SPATC1: variants seen among roughly 807,000 people sequenced by gnomAD.
SPATC1 encodes the protein speriolin.
A neutral mutation model predicts 36.5 loss-of-function variants in SPATC1; 35 were observed. The ratio of observed to expected loss-of-function variants is 0.96; its 90% CI spans 0.73 to 1.27. SPATC1 has a LOEUF of 1.27. Ranked by LOEUF, SPATC1 falls within the 50% of genes most tolerant of loss-of-function variation. The pLI is 0.00. For missense variants in SPATC1, 779 were observed against 796.0 expected (o/e 0.98, Z 0.26); for synonymous variants, 361 against 353.6 (o/e 1.02, Z -0.24).
At chr8:144,038,759 A>G (rs1470277509) in intron 1 of SPATC1, among the ~76,000 whole-genome samples, 1 of 152,134 alleles carries the variant, frequency 6.6e-6, no homozygotes, top group African/African-American at 2.4e-5. Flanking sequence ...CTACTATTAC[A>G]TGACCCATGA....
Position 144,016,064 on chromosome 8 carries a change from CA to C in SPATC1, c.211+3352del, listed in dbSNP as rs574460237. ...GCTGGAGACTTTTGAGACTCTGTCT[CA>C]AAAAAAAAAAAAAGAAAAAAGAAAG... On this transcript the variant is annotated intron_variant, in intron 1 of 4. Transcript: ENST00000377470. This position sits in a 1 kb window ranked among gnomAD's most constrained non-coding sequence, Gnocchi z 4.5. Among the ~76,000 whole-genome samples, 5,328 of 78,300 alleles carry C rather than the reference CA, an allele frequency of 0.068. 314 individuals are homozygous for C. The highest frequency in any genetic ancestry group is 0.19 in the African/African-American group (4,804 of 24,780). 51.4% of individuals were successfully genotyped at this position (78,300 alleles called of 152,430 possible). A position where few individuals can be genotyped will look rare whatever the true frequency, so the allele number is the denominator to read the frequency against.
chr8:144,032,693 AC>A (rs1834822396), intron 1 of SPATC1, among the ~76,000 whole-genome samples: 1 of 152,062 alleles, frequency 6.6e-6, no homozygotes, highest in African/African-American at 2.4e-5. Flanking sequence ...TATGGGTCAT[AC>A]TTGTTTGTTT....
At chr8:144,037,491 T>C (rs1834933534) in intron 1 of SPATC1, among the ~76,000 whole-genome samples, 1 of 152,150 alleles carries the variant, frequency 6.6e-6, no homozygotes, top group Non-Finnish European at 1.5e-5. Context: ...CTTATCCTGT[T>C]GATCTGTGAC....
chr8:144,027,931 T>C (rs1479070414), intron 1 of SPATC1, among the ~76,000 whole-genome samples: 1 of 152,102 alleles, frequency 6.6e-6, no homozygotes, highest in East Asian at 1.9e-4. Flanking sequence ...AGGCAGAGTT[T>C]GCAGTGAGCC....
chr8:144,047,046 TGCCAGC>T lies in SPATC1; in HGVS notation c.*93_*98del. The T allele has an allele frequency of 6.9e-7, 1 of 1,452,400 alleles. No individual in the cohort carries two copies. The allele number at this position is 1,452,400 out of a possible 1,614,324, so 90.0% of individuals were successfully genotyped here. A position where few individuals can be genotyped will look rare whatever the true frequency, so the allele number is the denominator to read the frequency against. ...CCACAGACACTGGTCGCTGGGCCTG[TGCCAGC>T]GCTCCTGGGTGGTGCTGCCTCCTCT... On this transcript the variant is annotated 3_prime_UTR_variant, in exon 5 of 5. Coordinates refer to ENST00000377470, the MANE Select transcript of SPATC1 (RefSeq NM_198572.3). This position sits in a 1 kb window ranked among gnomAD's most constrained non-coding sequence, Gnocchi z 4.1.
At chr8:144,042,305 ATATATATTTTTT>A (rs1371484342) in intron 4 of SPATC1, among the ~76,000 whole-genome samples, 20 of 54,744 alleles carry the variant, frequency 3.7e-4, no homozygotes, top group African/African-American at 2.1e-3. Context: ...ATATATATAT[ATATATATTTTTT>A]TTTTTTTTTT....
At chr8:144,033,674 C>T (rs1834842596) in intron 1 of SPATC1, among the ~76,000 whole-genome samples, 1 of 152,292 alleles carries the variant, frequency 6.6e-6, no homozygotes, top group African/African-American at 2.4e-5. Context: ...CACATCCTTA[C>T]CCATGGGCAG....
chr8:144,042,482 GCTAA>G (rs1313708378), intron 4 of SPATC1, among the ~76,000 whole-genome samples: 1 of 151,076 alleles, frequency 6.6e-6, no homozygotes, highest in African/African-American at 2.4e-5. Flanking sequence ...ACCATGCCCG[GCTAA>G]CTTTTTGGTA....
At chr8:144,027,410 T>C (rs1052323171) in intron 1 of SPATC1, among the ~76,000 whole-genome samples, 1 of 152,248 alleles carries the variant, frequency 6.6e-6, no homozygotes, top group Non-Finnish European at 1.5e-5. Flanking sequence ...TTTCACTTTC[T>C]TAATAATGTC....
At chr8:144,012,946 C>A (rs1170176921) in intron 1 of SPATC1, among the ~76,000 whole-genome samples, 1 of 152,088 alleles carries the variant, frequency 6.6e-6, no homozygotes, top group Non-Finnish European at 1.5e-5. Flanking sequence ...GTGCTCAGAG[C>A]CCACCCACCC....
Position 144,045,587 on chromosome 8 carries a change from C to G in SPATC1, c.1447-1040C>G, listed in dbSNP as rs987253002. On this transcript the variant is annotated intron_variant, in intron 4 of 4. Transcript: ENST00000377470. The surrounding 1 kb of genome is among the most constrained non-coding windows in gnomAD (Gnocchi z 5.2). ...TGGGGGGACACTGGAGGGTGGCCCTCCCCCAAGTGTTGGAGCAGCGGAAAC... is the reference window on the plus strand; with the variant it reads ...TGGGGGGACACTGGAGGGTGGCCCTGCCCCAAGTGTTGGAGCAGCGGAAAC... Among the ~76,000 whole-genome samples the G allele has an allele frequency of 1.3e-5, 2 of 152,140 alleles. No homozygotes were observed. Among genetic ancestry groups the G allele is most frequent in the Admixed American group, 1.3e-4 (2 of 15,280 alleles).
chr8:144,026,438 C>G (rs1045773814), intron 1 of SPATC1, among the ~76,000 whole-genome samples: 27 of 152,154 alleles, frequency 1.8e-4, no homozygotes, highest in African/African-American at 6.5e-4. Context: ...TTTGTGCAGA[C>G]ATGTTTCCAT....
At chr8:144,033,161 C>T (rs1025678050) in intron 1 of SPATC1, among the ~76,000 whole-genome samples, 3 of 151,928 alleles carry the variant, frequency 2.0e-5, no homozygotes, top group East Asian at 1.9e-4. Context: ...TTTGAGAGAC[C>T]GTGGCAGGCG....
chr8:144,039,812 A>G (rs1835011310), intron 1 of SPATC1, 97 bp from the exon 2 acceptor site: 4 of 1,322,300 alleles, frequency 3.0e-6, no homozygotes, highest in Non-Finnish European at 1.1e-6. Context: ...GATGGGCACT[A>G]TGGCCAGGCC....
intron 1 of SPATC1, among the ~76,000 whole-genome samples, chr8:144,038,432 C>CAAA (rs371767912): frequency 1.7e-5 from 2 of 116,160 alleles, no homozygotes; most frequent in Non-Finnish European, 1.8e-5. Context: ...GACTCTGTCT[C>CAAA]AAAAAAAAAA....
At chr8:144,021,294 T>A (rs1270639413) in intron 1 of SPATC1, among the ~76,000 whole-genome samples, 5,465 of 18,896 alleles carry the variant, frequency 0.29, 324 homozygotes, top group East Asian at 0.4. Flanking sequence ...CCCTCTCCCC[T>A]CAGGACCCTC....
chr8:144,022,694 C>CAT (rs1834562193), intron 1 of SPATC1, among the ~76,000 whole-genome samples: 1 of 114,138 alleles, frequency 8.8e-6, no homozygotes, highest in Non-Finnish European at 1.9e-5. Context: ...CTCAGGACTG[C>CAT]CTTCCCTCAG....
chr8:144,016,069 AAAAAAAAAAGAAAAAAGAAAG>A lies in SPATC1; in HGVS notation c.211+3347_211+3367del, dbSNP rs1564266262. On this transcript the variant is annotated intron_variant, in intron 1 of 4. Coordinates refer to ENST00000377470, the MANE Select transcript of SPATC1 (RefSeq NM_198572.3). This position sits in a 1 kb window ranked among gnomAD's most constrained non-coding sequence, Gnocchi z 4.5. Reference sequence around the variant, plus strand: ...AGACTTTTGAGACTCTGTCTCAAAAAAAAAAAAAAGAAAAAAGAAAGAAAGAAAGAAAAGAAATTAGCTGGG... The same window carrying A: ...AGACTTTTGAGACTCTGTCTCAAAAAAAAGAAAGAAAAGAAATTAGCTGGG... Among the ~76,000 whole-genome samples, 37 of 151,018 alleles carry A rather than the reference AAAAAAAAAAGAAAAAAGAAAG, an allele frequency of 2.5e-4. No individual in the cohort carries two copies. Among genetic ancestry groups the A allele is most frequent in the African/African-American group, 9.0e-4 (37 of 41,190 alleles).
Position 144,041,060 on chromosome 8 carries a change from G to A in SPATC1, c.1259G>A (p.Arg420Gln), listed in dbSNP as rs138012879. 63 of 1,600,640 alleles carry A rather than the reference G, an allele frequency of 3.9e-5. No homozygotes were observed. The highest frequency in any genetic ancestry group is 1.3e-4 in the African/African-American group (10 of 74,566). ...PSTKSMMEVE[R>Q]KLAHRKTSKF... Reference sequence around the variant, plus strand: ...ACGAAGAGCATGATGGAGGTGGAACGGAAGCTGGCCCACCGCAAGACCAGC... The same window carrying A: ...ACGAAGAGCATGATGGAGGTGGAACAGAAGCTGGCCCACCGCAAGACCAGC... The change falls in exon 3 of 5, where the codon CGG becomes CAG. Residue 420 changes from arginine (R) to glutamine (Q), a missense_variant. Coordinates refer to ENST00000377470, the MANE Select transcript of SPATC1 (RefSeq NM_198572.3).
Sources: allele counts gnomAD v4.1 joint callset (sites outside exome capture counted in the v4.1 genomes callset), GRCh38; gene constraint gnomAD v4.1.1; non-coding constraint Gnocchi (gnomAD v3.1); transcripts MANE v1.5; gene names NCBI Gene and HGNC (gene_info 2026-07-23, HGNC 2026-07-21).